Variants in CACNA1D observed in about 807,000 individuals in gnomAD.
CACNA1D encodes voltage-dependent L-type calcium channel subunit alpha-1D.
CACNA1D carries 55 observed loss-of-function variants against 257.1 expected under a neutral mutation model. That is an observed-to-expected ratio of 0.21 (90% CI 0.17 to 0.27). The LOEUF (loss-of-function observed/expected upper bound fraction) is 0.27, where lower values mean the gene tolerates loss of function less well. Among genes scored for constraint, CACNA1D ranks in the 10% least tolerant of loss-of-function variants. CACNA1D has a pLI of 1.00. For missense variants in CACNA1D, 1,876 were observed against 2,784.0 expected (o/e 0.67, Z 7.34); for synonymous variants, 980 against 1,014.9 (o/e 0.97, Z 0.65).
intron 3 of CACNA1D, among the ~76,000 whole-genome samples, chr3:53,620,433 G>A (rs2093683965): frequency 6.6e-6 from 1 of 152,152 alleles, no homozygotes; most frequent in South Asian, 2.1e-4. Flanking sequence ...TAGGACTACA[G>A]GCACACCAAC....
chr3:53,784,170 A>G (rs2095440851), intron 39 of CACNA1D, among the ~76,000 whole-genome samples: 1 of 152,156 alleles, frequency 6.6e-6, no homozygotes, highest in Non-Finnish European at 1.5e-5. Context: ...ATCAGTGCTG[A>G]GCCGCCTCAT....
In CACNA1D at chr3:53,722,363, G is replaced by A. The variant is rs138150805; in HGVS notation, c.1555G>A (p.Ala519Thr). The change falls in exon 12 of 48, where the codon GCC (alanine) becomes ACC (threonine). Residue 519 changes from alanine to threonine, a missense_variant. Physicochemically the swap from Ala to Thr is moderately conservative, Grantham distance 58. Transcript: ENST00000350061. Reference sequence around the variant, plus strand: ...ATTCAATCGCAGAAGATGTAGGGCCGCCGTGAAGTCTGTCACGTTTTACTG... The same window carrying A: ...ATTCAATCGCAGAAGATGTAGGGCCACCGTGAAGTCTGTCACGTTTTACTG... ...NRFNRRRCRA[A>T]VKSVTFYWLV... 11 of 1,614,088 alleles carry A rather than the reference G, an allele frequency of 6.8e-6. No homozygotes were observed. Among genetic ancestry groups the A allele is most frequent in the East Asian group, 2.2e-5 (1 of 44,896 alleles).
chr3:53,786,660 G>T, intron 39 of CACNA1D, 162 bp from the exon 40 acceptor site: 2 of 660,686 alleles, frequency 3.0e-6, no homozygotes, highest in Admixed American at 2.4e-5. Context: ...CTTTTTGCTG[G>T]TTTGAGACCC....
Position 53,723,344 on chromosome 3 carries a change from G to A in CACNA1D, c.1667-90G>A, listed in dbSNP as rs1395426869. The A allele has an allele frequency of 1.0e-5, 9 of 900,254 alleles. No individual in the cohort carries two copies. In the Admixed American group the frequency reaches 1.0e-4, roughly 10 times the overall value. The allele number at this position is 900,254 out of a possible 1,614,324, so 55.8% of individuals were successfully genotyped here. On this transcript the variant is annotated intron_variant, in intron 12 of 47. Coordinates refer to ENST00000350061, the MANE Select transcript of CACNA1D (RefSeq NM_001128840.3). This position sits in a 1 kb window ranked among gnomAD's most constrained non-coding sequence, Gnocchi z 5.6. ...ACAAGGTATTGGCGTATTTCCTGTG[G>A]GGCCTGATAGGGAGGGAGGTGTGAG...
intron 40 of CACNA1D, among the ~76,000 whole-genome samples, chr3:53,790,269 A>G (rs2095476937): frequency 6.6e-6 from 1 of 152,250 alleles, no homozygotes; most frequent in African/African-American, 2.4e-5. Context: ...CCCAGCAGAC[A>G]GCAATGCATG....
At chr3:53,507,960 A>C (rs990524767) in intron 3 of CACNA1D, among the ~76,000 whole-genome samples, 8 of 139,068 alleles carry the variant, frequency 5.8e-5, no homozygotes, top group African/African-American at 2.0e-4. Context: ...TAGAAATGGC[A>C]TCAGACACAG....
At chr3:53,685,272 C>A (rs988226050) in intron 8 of CACNA1D, among the ~76,000 whole-genome samples, 1 of 152,064 alleles carries the variant, frequency 6.6e-6, no homozygotes, top group African/African-American at 2.4e-5. Flanking sequence ...TGAGAAGACA[C>A]AATGATCCTA....
chr3:53,682,290 G>T (rs2094436679), intron 8 of CACNA1D, among the ~76,000 whole-genome samples: 1 of 147,010 alleles, frequency 6.8e-6, no homozygotes, highest in Non-Finnish European at 1.5e-5. Flanking sequence ...CAATTCAGAA[G>T]GGTGAGGTGG....
chr3:53,771,655 A>G (rs566156191), intron 32 of CACNA1D, among the ~76,000 whole-genome samples: 1 of 152,380 alleles, frequency 6.6e-6, no homozygotes, highest in East Asian at 1.9e-4. Context: ...AAACTTGGGA[A>G]CAAACTGCTA....
intron 3 of CACNA1D, among the ~76,000 whole-genome samples, chr3:53,609,703 G>GA (rs2093559420): frequency 6.6e-6 from 1 of 151,854 alleles, no homozygotes; most frequent in Non-Finnish European, 1.5e-5. Flanking sequence ...CGTTGATGTT[G>GA]AAAAAACCAC....
intron 3 of CACNA1D, among the ~76,000 whole-genome samples, chr3:53,533,702 C>T (rs1450396819): frequency 2.0e-5 from 3 of 152,250 alleles, no homozygotes; most frequent in East Asian, 1.9e-4. Flanking sequence ...TGGCCGTGGG[C>T]GCTGAGCACG....
chr3:53,495,981 A>T lies in CACNA1D; in HGVS notation c.67+748A>T, dbSNP rs550630985. ...CTTTGGAGACCGCCAGTGCCCCCCA[A>T]CCCCTGTCGGCTGGAAGCCTTTCCG... On this transcript the variant is annotated intron_variant, in intron 1 of 47. Coordinates refer to ENST00000350061, the MANE Select transcript of CACNA1D (RefSeq NM_001128840.3). The surrounding 1 kb of genome is among the most constrained non-coding windows in gnomAD (Gnocchi z 5.1). Among the ~76,000 whole-genome samples the T allele has an allele frequency of 6.6e-6, 1 of 152,078 alleles. No individual in the cohort carries two copies. Among genetic ancestry groups the T allele is most frequent in the Admixed American group, 6.5e-5 (1 of 15,294 alleles).
chr3:53,648,719 C>G (rs571471347), intron 3 of CACNA1D, among the ~76,000 whole-genome samples: 20 of 151,942 alleles, frequency 1.3e-4, no homozygotes, highest in African/African-American at 4.6e-4. Flanking sequence ...ATGAGCCTGG[C>G]TAAGAACAGG....
intron 3 of CACNA1D, among the ~76,000 whole-genome samples, chr3:53,618,928 G>A (rs2093665713): frequency 6.6e-6 from 1 of 152,136 alleles, no homozygotes; most frequent in African/African-American, 2.4e-5. Flanking sequence ...GTGAAATGGG[G>A]TTAATAACTC....
At chr3:53,520,976 T>C (rs1320337661) in intron 3 of CACNA1D, among the ~76,000 whole-genome samples, 1 of 151,284 alleles carries the variant, frequency 6.6e-6, no homozygotes, top group Non-Finnish European at 1.5e-5. Flanking sequence ...TCTCCCTTTC[T>C]CTTTCTTTTC....
chr3:53,718,601 C>CCCCCCCAT, intron 10 of CACNA1D: 1 of 1,103,202 alleles, frequency 9.1e-7, no homozygotes, highest in Non-Finnish European at 1.3e-6. Flanking sequence ...CCCCCCGGCC[C>CCCCCCCAT]AGCATTTCAC....
intron 3 of CACNA1D, among the ~76,000 whole-genome samples, chr3:53,612,245 C>T (rs1265131580): frequency 6.6e-6 from 1 of 152,060 alleles, no homozygotes; most frequent in Non-Finnish European, 1.5e-5. Context: ...TTTTTCATGA[C>T]AATTCTAGTA....
chr3:53,747,460 G>A lies in CACNA1D; in HGVS notation c.3314+12G>A. On this transcript the variant is annotated intron_variant, in intron 26 of 47. Transcript: ENST00000350061. ...GAGGGCTGGCCTGCGTAAGTACAGG[G>A]AGCACACAGTCTTCTGGAGAGGCAC... The A allele has an allele frequency of 3.7e-6, 6 of 1,614,010 alleles. No individual in the cohort carries two copies. The highest frequency in any genetic ancestry group is 5.1e-6 in the Non-Finnish European group (6 of 1,179,920).
intron 8 of CACNA1D, among the ~76,000 whole-genome samples, chr3:53,680,513 A>T (rs974028806): frequency 1.3e-5 from 2 of 152,156 alleles, no homozygotes; most frequent in Non-Finnish European, 2.9e-5. Context: ...GTTGATGTGC[A>T]GGTTAGAAGA....
Sources: gnomAD v4.1 joint callset for allele counts (sites outside exome capture counted in the v4.1 genomes callset) on GRCh38, gnomAD v4.1.1 for gene constraint, Gnocchi (gnomAD v3.1) non-coding constraint, MANE v1.5 for transcripts, NCBI Gene and HGNC (gene_info 2026-07-23, HGNC 2026-07-21) for gene names.